BCR: variants seen among roughly 807,000 people sequenced by gnomAD.
The protein encoded by BCR is breakpoint cluster region protein.
A neutral mutation model predicts 138.6 loss-of-function variants in BCR; 58 were observed. The observed-to-expected ratio is 0.42, with a 90% CI of 0.34 to 0.52. The LOEUF (loss-of-function observed/expected upper bound fraction) is 0.52. BCR is among the 20% of genes least tolerant of loss of function. The pLI is 0.06. For synonymous variants in BCR, 786 were observed against 730.1 expected (o/e 1.08, Z -1.23); for missense variants, 1,599 against 1,727.2 (o/e 0.93, Z 1.32).
intron 1 of BCR, among the ~76,000 whole-genome samples, chr22:23,233,908 G>A (rs1186281080): frequency 6.6e-6 from 1 of 152,074 alleles, no homozygotes; most frequent in African/African-American, 2.4e-5. Context: ...AGGGACAAGG[G>A]CATGTCAGTG....
At chr22:23,296,569 T>C (rs1488590139) in intron 16 of BCR, among the ~76,000 whole-genome samples, 1 of 152,160 alleles carries the variant, frequency 6.6e-6, no homozygotes, top group Non-Finnish European at 1.5e-5. Context: ...GTGCAGCTAC[T>C]GCCTGTTTTT....
chr22:23,278,973 G>T (rs2073610627), intron 8 of BCR, among the ~76,000 whole-genome samples: 1 of 152,198 alleles, frequency 6.6e-6, no homozygotes, highest in African/African-American at 2.4e-5. Flanking sequence ...GGCTTGTCTG[G>T]GCCAAGTTCT....
At chr22:23,270,624 C>T (rs1426475942) in intron 5 of BCR, among the ~76,000 whole-genome samples, 1 of 152,246 alleles carries the variant, frequency 6.6e-6, no homozygotes, top group African/African-American at 2.4e-5. Flanking sequence ...CGTTTGGCCC[C>T]AGTGAGCTGG....
chr22:23,292,856 G>A (rs780068817), intron 15 of BCR, among the ~76,000 whole-genome samples: 1 of 152,230 alleles, frequency 6.6e-6, no homozygotes, highest in Non-Finnish European at 1.5e-5. Context: ...TCACAAAGAA[G>A]CCACCTATTT....
intron 1 of BCR, among the ~76,000 whole-genome samples, chr22:23,252,736 C>T (rs1288719226): frequency 1.3e-5 from 2 of 152,102 alleles, no homozygotes; most frequent in Non-Finnish European, 2.9e-5. Context: ...CAGCCAGGGT[C>T]CCCCTTTCTA....
intron 1 of BCR, among the ~76,000 whole-genome samples, chr22:23,189,044 G>C (rs1003169809): frequency 6.6e-6 from 1 of 151,986 alleles, no homozygotes; most frequent in Non-Finnish European, 1.5e-5. Context: ...ATTTTTAGTA[G>C]AGACAGGGTT....
chr22:23,291,864 C>G (rs2073791009), intron 14 of BCR, among the ~76,000 whole-genome samples: 1 of 152,166 alleles, frequency 6.6e-6, no homozygotes, highest in African/African-American at 2.4e-5. Context: ...TGGCTGTGGC[C>G]TCCTCCCTGG....
At position 23,180,882 on chromosome 22, in the gene BCR, C is replaced by T; in HGVS notation, c.-79C>T. On this transcript the variant is annotated 5_prime_UTR_variant, in exon 1 of 23. Coordinates refer to ENST00000305877, the MANE Select transcript of BCR (RefSeq NM_004327.4). ...CATGGGGGCCGCCCGGCGCCCGGGG[C>T]CGGGCTGGCGAGGCGCCGCGCCGCC... is the stretch of plus-strand genomic sequence containing the variant. 1 of 782,964 alleles carries T rather than the reference C, an allele frequency of 1.3e-6. No individual in the cohort carries two copies. The highest frequency in any genetic ancestry group is 6.2e-5 in the South Asian group (1 of 16,068). 48.5% of individuals were successfully genotyped at this position (782,964 alleles called of 1,614,324 possible).
chr22:23,281,174 C>T (rs1379133770), intron 8 of BCR, among the ~76,000 whole-genome samples: 2 of 152,250 alleles, frequency 1.3e-5, no homozygotes, highest in East Asian at 1.9e-4. Flanking sequence ...CATACACAGA[C>T]TCCCATGGCC....
intron 1 of BCR, among the ~76,000 whole-genome samples, chr22:23,203,598 T>TG (rs1247129733): frequency 1.3e-5 from 2 of 152,190 alleles, no homozygotes; most frequent in Non-Finnish European, 2.9e-5. Flanking sequence ...AGCCCTGAGC[T>TG]GGGGTCACAC....
In BCR at chr22:23,180,846, GC is replaced by G. The variant is rs1417965506; in HGVS notation, c.-113del. On this transcript the variant is annotated 5_prime_UTR_variant, in exon 1 of 23. Transcript: ENST00000305877. Reference sequence around the variant, plus strand: ...GCGGGCATTGTTCGCCGCCGCCGCCGCCGCGCGGGCCATGGGGGCCGCCCGG... The same window carrying G: ...GCGGGCATTGTTCGCCGCCGCCGCCGCGCGCGGGCCATGGGGGCCGCCCGG... 432 of 407,524 alleles carry G rather than the reference GC, an allele frequency of 1.1e-3. No homozygotes were observed. The highest frequency in any genetic ancestry group is 7.4e-3 in the Admixed American group (4 of 542). The allele number at this position is 407,524 out of a possible 1,614,324, so 25.2% of individuals were successfully genotyped here.
intron 1 of BCR, among the ~76,000 whole-genome samples, chr22:23,236,871 G>C (rs2073032328): frequency 1.8e-5 from 2 of 113,864 alleles, no homozygotes; most frequent in Admixed American, 9.2e-5. Context: ...TCTGTGTCTT[G>C]AATAGTACCC....
At chr22:23,186,817 GTCTCCTGCTTCAGGAGTTCAGGAT>G (rs959572053) in intron 1 of BCR, among the ~76,000 whole-genome samples, 2 of 152,148 alleles carry the variant, frequency 1.3e-5, no homozygotes, top group African/African-American at 2.4e-5. Context: ...AGCTTCAAGA[GTCTCCTGCTTCAGGAGTTCAGGAT>G]TCTCCTGCTT....
intron 21 of BCR, 32 bp from the exon 22 acceptor site, chr22:23,314,520 G>A (rs1406292415): frequency 5.6e-6 from 9 of 1,611,462 alleles, no homozygotes; most frequent in Non-Finnish European, 7.6e-6. Flanking sequence ...GGGTGGCGTT[G>A]AAACAGCACC....
intron 12 of BCR, 102 bp from the exon 13 acceptor site, chr22:23,289,415 C>A: frequency 1.0e-6 from 1 of 960,522 alleles, no homozygotes. Flanking sequence ...CCAGTTCTTG[C>A]CGTGCCCCTT....
At chr22:23,245,316 C>T (rs2073143639) in intron 1 of BCR, among the ~76,000 whole-genome samples, 1 of 152,278 alleles carries the variant, frequency 6.6e-6, no homozygotes, top group Middle Eastern at 3.4e-3. Context: ...CCTTGGCTAG[C>T]CTGGTGGCTT....
intron 4 of BCR, 121 bp from the exon 5 acceptor site, chr22:23,268,287 C>A: frequency 1.3e-6 from 1 of 747,044 alleles, no homozygotes; most frequent in Non-Finnish European, 2.1e-6. Context: ...GAGGCCTCTG[C>A]AGCCTGTGTG....
intron 4 of BCR, among the ~76,000 whole-genome samples, chr22:23,266,760 A>T (rs1210981378): frequency 6.6e-6 from 1 of 152,232 alleles, no homozygotes; most frequent in Non-Finnish European, 1.5e-5. Context: ...CGTTCTGCGT[A>T]ACAGCACCAC....
At chr22:23,288,007 G>T in intron 11 of BCR, 90 bp from the exon 12 acceptor site, 2 of 1,253,694 alleles carry the variant, frequency 1.6e-6, no homozygotes, top group South Asian at 1.2e-5. Context: ...CTGGAGATAC[G>T]AGTTGTGTGC....
Sources: gnomAD v4.1 joint callset for allele counts (sites outside exome capture counted in the v4.1 genomes callset) on GRCh38, gnomAD v4.1.1 for gene constraint, MANE v1.5 for transcripts, NCBI Gene and HGNC (gene_info 2026-07-23, HGNC 2026-07-21) for gene names.